PRKCB: variants seen among roughly 807,000 people sequenced by gnomAD.
The protein encoded by PRKCB is protein kinase C beta type.
In PRKCB, 13 loss-of-function variants were observed where a neutral mutation model predicts 81.5. The ratio of observed to expected loss-of-function variants is 0.16; its 90% CI spans 0.10 to 0.25. The LOEUF is 0.25. PRKCB is among the 10% of genes least tolerant of loss of function. PRKCB has a pLI of 1.00. For missense variants in PRKCB, 509 were observed against 875.7 expected, an observed-to-expected ratio of 0.58 and a Z score of 5.29; for synonymous variants, 335 against 321.4, an observed-to-expected ratio of 1.04 and a Z score of -0.45.
intron 2 of PRKCB, among the ~76,000 whole-genome samples, chr16:23,841,536 G>A (rs561043183): frequency 1.3e-5 from 2 of 152,096 alleles, no homozygotes; most frequent in East Asian, 3.9e-4. Flanking sequence ...GGCCCAGGCT[G>A]GAGGGCAGTG....
intron 12 of PRKCB, among the ~76,000 whole-genome samples, chr16:24,180,583 G>A (rs1484907137): frequency 6.6e-6 from 1 of 152,130 alleles, no homozygotes; most frequent in East Asian, 1.9e-4. Context: ...ACAGTTGGCT[G>A]TGTAGAAAAA....
At chr16:24,083,312 A>T (rs927015591) in intron 5 of PRKCB, among the ~76,000 whole-genome samples, 1 of 152,204 alleles carries the variant, frequency 6.6e-6, no homozygotes. Flanking sequence ...AAACAAACGC[A>T]TATAACTGAA....
chr16:24,032,310 C>T (rs1386224508), intron 4 of PRKCB, 63 bp downstream of exon 4: 1 of 1,270,988 alleles, frequency 7.9e-7, no homozygotes, highest in Non-Finnish European at 1.1e-6. Flanking sequence ...GGGCTGCTTC[C>T]ACTTGGTTTG....
intron 10 of PRKCB, among the ~76,000 whole-genome samples, chr16:24,160,730 G>A (rs912233197): frequency 6.6e-6 from 1 of 152,166 alleles, no homozygotes; most frequent in Non-Finnish European, 1.5e-5. Flanking sequence ...TAAAGAGGAT[G>A]GAGATGGATG....
intron 2 of PRKCB, among the ~76,000 whole-genome samples, chr16:23,858,303 G>A (rs185349339): frequency 3.5e-4 from 28 of 81,030 alleles, no homozygotes; most frequent in Non-Finnish European, 6.5e-4. Context: ...AGGTCCATTC[G>A]AGTCAGACTG....
intron 2 of PRKCB, among the ~76,000 whole-genome samples, chr16:23,863,730 G>C (rs1213718838): frequency 1.3e-5 from 2 of 152,154 alleles, no homozygotes; most frequent in African/African-American, 4.8e-5. Flanking sequence ...CTTCCAATCA[G>C]GGTTCCTGGA....
At chr16:24,054,274 G>T (rs540424883) in intron 5 of PRKCB, among the ~76,000 whole-genome samples, 2 of 152,154 alleles carry the variant, frequency 1.3e-5, no homozygotes, top group Non-Finnish European at 2.9e-5. Flanking sequence ...ACTGAACCTG[G>T]CTATTTAAGT....
At chr16:24,114,550 A>G (rs1966714985) in intron 8 of PRKCB, among the ~76,000 whole-genome samples, 1 of 152,060 alleles carries the variant, frequency 6.6e-6, no homozygotes, top group Non-Finnish European at 1.5e-5. Flanking sequence ...GGGACAAATA[A>G]ACACCATTTT....
At chr16:24,195,379 C>T (rs527326668) in intron 16 of PRKCB, among the ~76,000 whole-genome samples, 2 of 152,188 alleles carry the variant, frequency 1.3e-5, no homozygotes, top group South Asian at 2.1e-4. Context: ...TGAGCGTGTG[C>T]AGAGTTCCAT....
intron 1 of PRKCB, 102 bp downstream of exon 1, chr16:23,836,450 CTG>C: frequency 6.8e-7 from 1 of 1,472,564 alleles, no homozygotes; most frequent in African/African-American, 1.5e-5. Flanking sequence ...CCTCCGCACC[CTG>C]GGACCCCGCG....
chr16:23,990,746 C>T (rs889812442), intron 3 of PRKCB, among the ~76,000 whole-genome samples: 4 of 152,052 alleles, frequency 2.6e-5, no homozygotes, highest in Non-Finnish European at 4.4e-5. Flanking sequence ...TAGGTTTTCC[C>T]TATGTTGCCC....
chr16:24,172,956 A>T (rs937416938), intron 11 of PRKCB, among the ~76,000 whole-genome samples: 3 of 152,166 alleles, frequency 2.0e-5, no homozygotes, highest in Non-Finnish European at 2.9e-5. Context: ...TGGGAGGGAG[A>T]TGCTACCATC....
intron 11 of PRKCB, chr16:24,174,302 G>C (rs1258660291): frequency 1.9e-6 from 1 of 516,472 alleles, no homozygotes; most frequent in Non-Finnish European, 3.5e-6. Flanking sequence ...CTGAACTTCT[G>C]CCTACCCCCA....
At chr16:24,121,092 C>G (rs1292753833) in intron 8 of PRKCB, among the ~76,000 whole-genome samples, 1 of 152,228 alleles carries the variant, frequency 6.6e-6, no homozygotes, top group Non-Finnish European at 1.5e-5. Flanking sequence ...AACACTTTGT[C>G]TGCCTCCTGT....
At position 23,836,108 on chromosome 16, in the gene PRKCB, G is replaced by C. The variant is rs1222093031; in HGVS notation, c.-68G>C. Reference sequence around the variant, plus strand: ...CGGCCGCCGCCTCCCGCGCCTCCCCGGCCCGCAGCCCGCGGTCCCGCGGCC... The same window carrying C: ...CGGCCGCCGCCTCCCGCGCCTCCCCCGCCCGCAGCCCGCGGTCCCGCGGCC... On this transcript the variant is annotated 5_prime_UTR_variant, in exon 1 of 17. Coordinates refer to ENST00000643927, the MANE Select transcript of PRKCB (RefSeq NM_002738.7). 19 of 1,093,924 alleles carry C rather than the reference G, an allele frequency of 1.7e-5. No homozygotes were observed. Among genetic ancestry groups the C allele is most frequent in the South Asian group, 4.1e-5 (1 of 24,236 alleles). The allele number at this position is 1,093,924 out of a possible 1,614,324, so 67.8% of individuals were successfully genotyped here.
At chr16:24,209,271 C>T (rs1347319913) in intron 16 of PRKCB, among the ~76,000 whole-genome samples, 2 of 152,026 alleles carry the variant, frequency 1.3e-5, no homozygotes, top group Admixed American at 1.3e-4. Flanking sequence ...TACCAGCAGT[C>T]CCTGCCACCA....
chr16:24,200,682 C>T (rs1967944588), intron 16 of PRKCB, among the ~76,000 whole-genome samples: 1 of 152,108 alleles, frequency 6.6e-6, no homozygotes, highest in Non-Finnish European at 1.5e-5. Context: ...CATGTGTGTG[C>T]ATATATATGC....
intron 15 of PRKCB, among the ~76,000 whole-genome samples, chr16:24,190,234 T>G (rs1260498399): frequency 6.6e-6 from 1 of 152,182 alleles, no homozygotes; most frequent in East Asian, 1.9e-4. Context: ...CAGAAAGTAA[T>G]TACTTGAAAC....
chr16:23,990,781 G>A (rs545466224), intron 3 of PRKCB, among the ~76,000 whole-genome samples: 2 of 152,230 alleles, frequency 1.3e-5, no homozygotes, highest in East Asian at 1.9e-4. Context: ...TTCCTGGGCT[G>A]AAGCCCTCCT....
Sources: allele counts gnomAD v4.1 joint callset (sites outside exome capture counted in the v4.1 genomes callset), GRCh38; gene constraint gnomAD v4.1.1; transcripts MANE v1.5; gene names NCBI Gene and HGNC (gene_info 2026-07-23, HGNC 2026-07-21).